MICAL2: variants seen among roughly 807,000 people sequenced by gnomAD.
MICAL2 encodes the protein microtubule associated monooxygenase, calponin and LIM domain containing 2.
MICAL2 carries 77 observed loss-of-function variants against 127.3 expected under a neutral mutation model. The observed-to-expected ratio is 0.60, with a 90% CI of 0.50 to 0.73. The LOEUF is 0.73. Among genes scored for constraint, MICAL2 ranks in the 30% least tolerant of loss-of-function variants. The probability of loss-of-function intolerance (pLI) is 0.00; values close to 1 mark genes in which losing one functional copy is unlikely to be tolerated. For synonymous variants in MICAL2, 570 were observed against 551.1 expected (o/e 1.03, Z -0.48); for missense variants, 1,351 against 1,434.4 (o/e 0.94, Z 0.94).
chr11:12,228,539 G>A (rs940558994), intron 15 of MICAL2, among the ~76,000 whole-genome samples: 1 of 152,214 alleles, frequency 6.6e-6, no homozygotes, highest in Non-Finnish European at 1.5e-5. Context: ...GAAGATAGAT[G>A]CTGGGAAGAT....
rs748545295 is a variant in MICAL2 at position 12,224,762 on chromosome 11, T to A, written c.1630T>A (p.Ser544Thr). 23 of 1,614,072 alleles carry A rather than the reference T, an allele frequency of 1.4e-5. No individual in the cohort carries two copies. The Admixed American group carries it at 2.2e-4, about 15-fold the overall frequency. The change falls in exon 13 of 28, where the codon TCC becomes ACC. Residue 544 changes from serine to threonine, a missense_variant. Coordinates refer to ENST00000683283, the MANE Select transcript of MICAL2 (RefSeq NM_001282663.2). ...TGTCAACGTCACCGACCTGACCACA[T>A]CCTGGCGCAGTGGGTTGGCCCTGTG... Reference protein sequence around the residue: ...QHVNVTDLTTSWRSGLALCAI... With the variant: ...QHVNVTDLTTTWRSGLALCAI...
rs1754944011 is a variant in MICAL2, at chr11:12,310,482, T to G, written c.5213-9214T>G. Among the ~76,000 whole-genome samples, 3 of 152,332 alleles carry G rather than the reference T, an allele frequency of 2.0e-5. No individual in the cohort carries two copies. The South Asian group carries it at 6.2e-4, about 32-fold the overall frequency. On this transcript the variant is annotated intron_variant, in intron 29 of 34. Transcript: ENST00000646065. ...GGCACCTTTGTTAAAATGAGTTGACTGTAAGTGTGTGGACTTATTTCTGGG... is the reference window on the plus strand; with the variant it reads ...GGCACCTTTGTTAAAATGAGTTGACGGTAAGTGTGTGGACTTATTTCTGGG...
At chr11:12,133,050 G>A (rs1180679662) in intron 1 of MICAL2, among the ~76,000 whole-genome samples, 1 of 152,094 alleles carries the variant, frequency 6.6e-6, no homozygotes, top group Non-Finnish European at 1.5e-5. Context: ...TTTGCTACCA[G>A]GCCATGGATT....
intron 3 of MICAL2, among the ~76,000 whole-genome samples, chr11:12,179,112 C>G (rs79359982): frequency 0.036 from 5,514 of 152,210 alleles, 241 homozygotes; most frequent in African/African-American, 0.11. Context: ...ATTCAAAACT[C>G]CCACTGCCTG....
At chr11:12,230,019 G>T (rs1014761073) in intron 15 of MICAL2, among the ~76,000 whole-genome samples, 1 of 152,210 alleles carries the variant, frequency 6.6e-6, no homozygotes, top group African/African-American at 2.4e-5. Context: ...AGCACTTCCT[G>T]TGGGTGGGTT....
chr11:12,183,444 G>A (rs1246830968), intron 3 of MICAL2, among the ~76,000 whole-genome samples: 1 of 152,198 alleles, frequency 6.6e-6, no homozygotes, highest in Non-Finnish European at 1.5e-5. Context: ...CAGACACAGA[G>A]CCTCTGCTCC....
At chr11:12,247,999 C>G (rs1038935889) in intron 21 of MICAL2, among the ~76,000 whole-genome samples, 4 of 152,080 alleles carry the variant, frequency 2.6e-5, no homozygotes, top group Non-Finnish European at 5.9e-5. Context: ...CTGTTCCTGC[C>G]CTATGGTCTT....
chr11:12,226,809 C>T (rs1040379753), intron 14 of MICAL2, among the ~76,000 whole-genome samples: 12 of 151,762 alleles, frequency 7.9e-5, no homozygotes, highest in Non-Finnish European at 1.6e-4. Flanking sequence ...CCTACCACCA[C>T]GTCTGGCTAA....
chr11:12,305,844 T>C (rs1864103710), intron 29 of MICAL2, among the ~76,000 whole-genome samples: 1 of 152,232 alleles, frequency 6.6e-6, no homozygotes. Flanking sequence ...TTTCATTAGA[T>C]ATTTTCCCAG....
At chr11:12,125,551 G>A (rs930402347) in intron 1 of MICAL2, among the ~76,000 whole-genome samples, 1 of 145,062 alleles carries the variant, frequency 6.9e-6, no homozygotes, top group Admixed American at 6.9e-5. Flanking sequence ...ACCGTGCCCG[G>A]CATCTTTTTT....
At position 12,257,226 on chromosome 11, in the gene MICAL2, G is replaced by A. The variant is rs545046691; in HGVS notation, c.3142+255G>A. The A allele has an allele frequency of 9.4e-6, 4 of 425,846 alleles. No individual in the cohort carries two copies. The South Asian group carries it at 2.1e-4, about 22-fold the overall frequency. The allele number at this position is 425,846 out of a possible 1,614,324, so 26.4% of individuals were successfully genotyped here. A position where few individuals can be genotyped will look rare whatever the true frequency, so the allele number is the denominator to read the frequency against. On this transcript the variant is annotated intron_variant, in intron 24 of 27. Transcript: ENST00000683283. ...CCTGGTGGGCACCTGTGTGCCCAGG[G>A]CTCTATGTACCTCTTCTTATGTAGC... is the stretch of plus-strand genomic sequence containing the variant.
At chr11:12,256,088 C>T (rs1302953153) in intron 23 of MICAL2, 2 of 239,084 alleles carry the variant, frequency 8.4e-6, no homozygotes, top group African/African-American at 4.4e-5. Context: ...CCTGAACAGA[C>T]TCTGTGCATT....
At chr11:12,262,857 C>T (rs146984990) in intron 27 of MICAL2, 140 of 268,910 alleles carry the variant, frequency 5.2e-4, no homozygotes, top group East Asian at 4.9e-3. Context: ...TTGGGAGGGT[C>T]GACCTTGATC....
At position 12,162,386 on chromosome 11, in the gene MICAL2, G is replaced by T; in HGVS notation, c.231G>T (p.Glu77Asp). The change falls in exon 3 of 28, where the codon GAG (glutamate) becomes GAT (aspartate). Residue 77 changes from glutamate to aspartate, a missense_variant. Transcript: ENST00000683283. ...YKLDKRGSHK[E>D]YKRGKSCTNT... ...TGGATAAGCGTGGTTCCCACAAAGA[G>T]TATAAGCGAGGGAAGTCGTGCACGA... 2 of 1,614,274 alleles carry T rather than the reference G, an allele frequency of 1.2e-6. No individual in the cohort carries two copies. Among genetic ancestry groups the T allele is most frequent in the Non-Finnish European group, 1.7e-6 (2 of 1,180,052 alleles).
At chr11:12,269,023 A>G (rs1318854610) in intron 24 of MICAL2, among the ~76,000 whole-genome samples, 1 of 152,004 alleles carries the variant, frequency 6.6e-6, no homozygotes, top group Non-Finnish European at 1.5e-5. Context: ...ATAAGAGTCC[A>G]ACTCTTCCAT....
At chr11:12,346,195 C>T (rs191174725) in intron 32 of MICAL2, among the ~76,000 whole-genome samples, 13 of 152,286 alleles carry the variant, frequency 8.5e-5, no homozygotes, top group East Asian at 7.7e-4. Flanking sequence ...GAGGGAGGAG[C>T]GGAGGGAATT....
intron 2 of MICAL2, among the ~76,000 whole-genome samples, chr11:12,142,440 C>A (rs1157636306): frequency 6.6e-6 from 1 of 152,164 alleles, no homozygotes; most frequent in Non-Finnish European, 1.5e-5. Context: ...CCATTCAAAT[C>A]AAAATCATAT....
chr11:12,320,030 GA>G (rs961717428), intron 30 of MICAL2, among the ~76,000 whole-genome samples: 40 of 148,158 alleles, frequency 2.7e-4, no homozygotes, highest in Middle Eastern at 3.4e-3. Context: ...AAATTTGGGA[GA>G]AAAAAAAAAG....
At chr11:12,172,417 C>T (rs965234795) in intron 3 of MICAL2, among the ~76,000 whole-genome samples, 11 of 152,074 alleles carry the variant, frequency 7.2e-5, no homozygotes, top group Admixed American at 2.6e-4. Context: ...ATGGGGAAGA[C>T]GATGATTGAG....
Sources: allele counts gnomAD v4.1 joint callset (sites outside exome capture counted in the v4.1 genomes callset), GRCh38; gene constraint gnomAD v4.1.1; transcripts MANE v1.5; gene names NCBI Gene and HGNC (gene_info 2026-07-23, HGNC 2026-07-21).